The following CAMK2D variants were observed in gnomAD, a reference collection of about 807,000 sequenced individuals.
CAMK2D encodes calcium/calmodulin dependent protein kinase II delta.
A neutral mutation model predicts 84.0 loss-of-function variants in CAMK2D; 37 were observed. That is an observed-to-expected ratio of 0.44 (90% CI 0.34 to 0.58). CAMK2D has a LOEUF of 0.58. CAMK2D is among the 20% of genes least tolerant of loss of function. The pLI is 0.02. For missense variants in CAMK2D, 448 were observed against 652.5 expected (o/e 0.69, Z 3.41); for synonymous variants, 202 against 212.5 (o/e 0.95, Z 0.43).
chr4:113,508,345 T>C, intron 13 of CAMK2D: 2 of 1,072,362 alleles, frequency 1.9e-6, no homozygotes, highest in Non-Finnish European at 2.8e-6. Flanking sequence ...AAGCATGGAG[T>C]ATAGAATAAT....
At chr4:113,460,069 G>T in intron 18 of CAMK2D, 78 bp downstream of exon 18, 2 of 839,048 alleles carry the variant, frequency 2.4e-6, no homozygotes, top group South Asian at 1.4e-5. Context: ...TTGTAGAAAA[G>T]AGCAAAATAA....
At chr4:113,502,836 ATT>A in intron 15 of CAMK2D, 98 bp downstream of exon 15, 1 of 845,382 alleles carries the variant, frequency 1.2e-6, no homozygotes, top group Non-Finnish European at 2.0e-6. Context: ...AATGGTTAGA[ATT>A]TTCTTTCCTA....
intron 2 of CAMK2D, among the ~76,000 whole-genome samples, chr4:113,693,506 C>T (rs1027977333): frequency 5.9e-5 from 9 of 152,146 alleles, no homozygotes; most frequent in Admixed American, 5.2e-4. Context: ...AAAAAGGAAA[C>T]ATCAAGTAAA....
chr4:113,495,811 A>G (rs1259451213), intron 16 of CAMK2D, among the ~76,000 whole-genome samples: 2 of 152,162 alleles, frequency 1.3e-5, no homozygotes, highest in Non-Finnish European at 1.5e-5. Flanking sequence ...GATGTGTAAG[A>G]AGGATGAAAT....
intron 2 of CAMK2D, among the ~76,000 whole-genome samples, chr4:113,739,245 C>G (rs1352970617): frequency 1.3e-5 from 2 of 152,140 alleles, no homozygotes; most frequent in African/African-American, 2.4e-5. Context: ...ATGGAAACTT[C>G]TCACTGACCA....
chr4:113,543,789 T>C, intron 6 of CAMK2D, among the ~76,000 whole-genome samples: 1 of 151,512 alleles, frequency 6.6e-6, no homozygotes, highest in Non-Finnish European at 1.5e-5. Context: ...TATTTATTTA[T>C]TTATTTATTT....
At chr4:113,639,421 G>T (rs1040866130) in intron 3 of CAMK2D, among the ~76,000 whole-genome samples, 2 of 152,068 alleles carry the variant, frequency 1.3e-5, no homozygotes, top group African/African-American at 2.4e-5. Flanking sequence ...GGCTTTTTGT[G>T]GGGGGAATAA....
At chr4:113,529,999 A>C (rs1214555287) in intron 8 of CAMK2D, among the ~76,000 whole-genome samples, 1 of 152,218 alleles carries the variant, frequency 6.6e-6, no homozygotes, top group Non-Finnish European at 1.5e-5. Flanking sequence ...GATATACTGA[A>C]TCAGAAACAC....
At chr4:113,513,479 G>C (rs915521657) in intron 11 of CAMK2D, 109 bp from the exon 12 acceptor site, 3 of 794,792 alleles carry the variant, frequency 3.8e-6, no homozygotes, top group African/African-American at 3.5e-5. Context: ...CTTTCAGTTA[G>C]GGGATTTTTT....
chr4:113,605,655 C>T (rs532137104), intron 4 of CAMK2D, among the ~76,000 whole-genome samples: 1 of 152,206 alleles, frequency 6.6e-6, no homozygotes, highest in East Asian at 1.9e-4. Context: ...ATGTCTGCTG[C>T]TTAAAAAATA....
chr4:113,507,439 T>TC (rs2098143061), intron 13 of CAMK2D, among the ~76,000 whole-genome samples: 1 of 91,910 alleles, frequency 1.1e-5, no homozygotes, highest in African/African-American at 3.7e-5. Flanking sequence ...GTTTGTTTGT[T>TC]TTTTTTTTTA....
chr4:113,601,249 G>A (rs1176838337), intron 4 of CAMK2D, among the ~76,000 whole-genome samples: 2 of 152,108 alleles, frequency 1.3e-5, no homozygotes, highest in East Asian at 1.9e-4. Flanking sequence ...GAAGTTAATC[G>A]TGTATTTTGC....
intron 7 of CAMK2D, among the ~76,000 whole-genome samples, chr4:113,535,506 A>C (rs557658007): frequency 6.6e-6 from 1 of 152,304 alleles, no homozygotes; most frequent in East Asian, 1.9e-4. Context: ...CTCTCTTCTA[A>C]AAATGTTTCA....
At chr4:113,647,283 C>T (rs1459738491) in intron 3 of CAMK2D, among the ~76,000 whole-genome samples, 1 of 152,124 alleles carries the variant, frequency 6.6e-6, no homozygotes, top group Non-Finnish European at 1.5e-5. Flanking sequence ...CTCTGCTTAC[C>T]GTACAATTTC....
intron 3 of CAMK2D, among the ~76,000 whole-genome samples, chr4:113,623,499 G>A (rs189063472): frequency 1.3e-3 from 192 of 152,062 alleles, no homozygotes; most frequent in African/African-American, 4.5e-3. Context: ...AAACATCAAA[G>A]TGTACTTATA....
intron 13 of CAMK2D, among the ~76,000 whole-genome samples, chr4:113,507,782 TC>T (rs2098149803): frequency 6.6e-6 from 1 of 152,180 alleles, no homozygotes; most frequent in South Asian, 2.1e-4. Flanking sequence ...AATAAACATT[TC>T]CTTTAAAGGT....
intron 16 of CAMK2D, among the ~76,000 whole-genome samples, chr4:113,485,820 T>G (rs549723049): frequency 6.6e-5 from 10 of 152,338 alleles, no homozygotes; most frequent in African/African-American, 1.9e-4. Context: ...CTTGATCTGC[T>G]ACCACTCTCC....
At chr4:113,625,619 G>C (rs571467264) in intron 3 of CAMK2D, among the ~76,000 whole-genome samples, 99 of 152,230 alleles carry the variant, frequency 6.5e-4, no homozygotes, top group African/African-American at 2.4e-3. Flanking sequence ...GTCTGTAGAA[G>C]AGTGAACAGG....
intron 17 of CAMK2D, 30 bp from the exon 18 acceptor site, chr4:113,460,271 A>G (rs1226290446): frequency 8.8e-7 from 1 of 1,140,626 alleles, no homozygotes; most frequent in Non-Finnish European, 1.3e-6. Context: ...AAAACAACCA[A>G]TTAATAGGTG....
Sources: gnomAD v4.1 joint callset for allele counts (sites outside exome capture counted in the v4.1 genomes callset) on GRCh38, gnomAD v4.1.1 for gene constraint, MANE v1.5 for transcripts, NCBI Gene and HGNC (gene_info 2026-07-23, HGNC 2026-07-21) for gene names.